FRY: variants seen among roughly 807,000 people sequenced by gnomAD.
FRY encodes the protein FRY microtubule binding protein.
FRY carries 128 observed loss-of-function variants against 348.4 expected under a neutral mutation model. The observed-to-expected ratio is 0.37, with a 90% CI of 0.32 to 0.43. The LOEUF (loss-of-function observed/expected upper bound fraction) is 0.43. Among genes scored for constraint, FRY ranks in the 20% least tolerant of loss-of-function variants. FRY has a pLI of 1.00. For missense variants in FRY, 2,736 were observed against 3,695.2 expected (o/e 0.74, Z 6.73); for synonymous variants, 1,370 against 1,374.7 (o/e 1.00, Z 0.08).
At chr13:32,103,143 C>T (rs961683984) in intron 3 of FRY, among the ~76,000 whole-genome samples, 2 of 152,158 alleles carry the variant, frequency 1.3e-5, no homozygotes, top group South Asian at 2.1e-4. Flanking sequence ...GCAACGGTGG[C>T]GTGGCTCTGG....
chr13:32,244,295 A>C (rs1223701826), intron 47 of FRY, 113 bp downstream of exon 47: 1 of 963,364 alleles, frequency 1.0e-6, no homozygotes, highest in Non-Finnish European at 1.7e-6. Flanking sequence ...TCATTCCTTG[A>C]CATCCATGGC....
chr13:32,124,798 C>T lies in FRY; in HGVS notation c.639C>T (p.Tyr213=), dbSNP rs2138726406. Residue 213 remains tyrosine (Y), a synonymous_variant, in exon 7 of 61, where the codon TAC becomes TAT. Coordinates refer to ENST00000542859, the MANE Select transcript of FRY (RefSeq NM_023037.3). ...TGTCTAATTATACCCTACTTAGGTA[C>T]CTTGGTCCCAACACTGGCAATATGC... ...AFKHFKYKEG[Y]LGPNTGNMHI... is the part of the protein sequence containing the mutation. 6.2e-7 allele frequency: 1 copy of T among 1,609,650 alleles called. No homozygotes were observed. The highest frequency in any genetic ancestry group is 1.1e-5 in the South Asian group (1 of 90,976).
At chr13:32,231,037 G>A (rs1423414007) in intron 40 of FRY, 142 bp from the exon 41 acceptor site, 1 of 655,574 alleles carries the variant, frequency 1.5e-6, no homozygotes, top group Non-Finnish European at 2.6e-6. Context: ...GTTCCTTATA[G>A]ATGCTGGGAT....
Position 32,202,033 on chromosome 13 carries a change from T to G in FRY, c.3839T>G (p.Leu1280Arg). The stretch of plus-strand genomic sequence containing the variant: ...GAGATTTATGAAATCTCCATGCAGC[T>G]CATGCAGGCACGTATCATTTACTGG... Reference protein sequence around the residue: ...NREIYEISMQLMQILEAKLFV... With the variant: ...NREIYEISMQRMQILEAKLFV... Residue 1280 changes from leucine (L) to arginine (R), a missense_variant, in exon 30 of 61, where the codon CTC becomes CGC. Coordinates refer to ENST00000542859, the MANE Select transcript of FRY (RefSeq NM_023037.3). 6.4e-7 allele frequency: 1 copy of G among 1,566,950 alleles called. No homozygotes were observed. The highest frequency in any genetic ancestry group is 8.8e-7 in the Non-Finnish European group (1 of 1,137,292).
intron 53 of FRY, among the ~76,000 whole-genome samples, chr13:32,264,422 C>T (rs1887819150): frequency 6.6e-6 from 1 of 152,012 alleles, no homozygotes; most frequent in Admixed American, 6.5e-5. Flanking sequence ...TATTTACACA[C>T]TGAGTGGACA....
intron 1 of FRY, among the ~76,000 whole-genome samples, chr13:32,077,060 G>T (rs1040906209): frequency 1.3e-5 from 2 of 152,102 alleles, no homozygotes; most frequent in African/African-American, 4.8e-5. Context: ...AAGAAGAGGA[G>T]GAAGAGATGG....
chr13:32,179,058 T>G (rs1882538510), intron 22 of FRY, 25 bp downstream of exon 22: 1 of 1,591,854 alleles, frequency 6.3e-7, no homozygotes, highest in Admixed American at 1.7e-5. Flanking sequence ...TTCAGAAGAA[T>G]TATTCTGTAA....
At chr13:32,290,702 G>A (rs962402126) in intron 59 of FRY, among the ~76,000 whole-genome samples, 1 of 152,108 alleles carries the variant, frequency 6.6e-6, no homozygotes, top group Non-Finnish European at 1.5e-5. Flanking sequence ...GACCAGTGAT[G>A]AGGCTGCTGA....
chr13:32,252,236 C>T (rs907832025), intron 50 of FRY, among the ~76,000 whole-genome samples: 1 of 151,744 alleles, frequency 6.6e-6, no homozygotes, highest in African/African-American at 2.4e-5. Context: ...TAAATATGCC[C>T]AGAATGTCTT....
At chr13:32,042,412 A>G (rs1872786823) in intron 1 of FRY, among the ~76,000 whole-genome samples, 1 of 152,190 alleles carries the variant, frequency 6.6e-6, no homozygotes, top group Admixed American at 6.5e-5. Flanking sequence ...CCATTTTAGT[A>G]TACTTTTGCT....
intron 2 of FRY, among the ~76,000 whole-genome samples, chr13:32,093,787 C>T (rs762639472): frequency 7.2e-5 from 11 of 152,218 alleles, no homozygotes; most frequent in Non-Finnish European, 1.6e-4. Context: ...AGGTCTTCAG[C>T]TTTAGCCAGC....
chr13:32,108,359 A>G (rs912865307), intron 3 of FRY, among the ~76,000 whole-genome samples: 5 of 152,224 alleles, frequency 3.3e-5, no homozygotes, highest in African/African-American at 1.2e-4. Flanking sequence ...AAGATAGGAA[A>G]TTTCAGAAGA....
intron 41 of FRY, among the ~76,000 whole-genome samples, chr13:32,232,681 C>A (rs117411522): frequency 0.012 from 1,853 of 152,316 alleles, 20 homozygotes; most frequent in Admixed American, 0.033. Flanking sequence ...GTTGACACCC[C>A]AGGCTTAAAT....
chr13:32,289,945 G>GGTA (rs1380492113), intron 59 of FRY, among the ~76,000 whole-genome samples: 4 of 152,228 alleles, frequency 2.6e-5, no homozygotes, highest in Non-Finnish European at 4.4e-5. Context: ...GGTATGGAAA[G>GGTA]TGAGGTGCCT....
At chr13:32,089,523 G>A (rs1876110711) in intron 2 of FRY, among the ~76,000 whole-genome samples, 2 of 152,114 alleles carry the variant, frequency 1.3e-5, no homozygotes, top group Admixed American at 1.3e-4. Context: ...AGCACCTTGG[G>A]AGGCTGAGGT....
At chr13:32,230,316 C>T (rs1001952061) in intron 40 of FRY, among the ~76,000 whole-genome samples, 9 of 152,128 alleles carry the variant, frequency 5.9e-5, no homozygotes, top group Admixed American at 3.3e-4. Context: ...TGAGAACATG[C>T]GGTATTTGGT....
chr13:32,252,934 G>A (rs1887158112), intron 50 of FRY, among the ~76,000 whole-genome samples: 1 of 152,128 alleles, frequency 6.6e-6, no homozygotes, highest in South Asian at 2.1e-4. Context: ...GGCAGAGGCA[G>A]ATAGAGACTC....
At chr13:32,032,135 T>C (rs2138328890) in intron 1 of FRY, among the ~76,000 whole-genome samples, 1 of 152,242 alleles carries the variant, frequency 6.6e-6, no homozygotes, top group East Asian at 1.9e-4. Context: ...TTACAGTAGA[T>C]TGTGTTTGAT....
chr13:32,081,235 C>T (rs563532577), intron 2 of FRY, among the ~76,000 whole-genome samples: 1 of 152,122 alleles, frequency 6.6e-6, no homozygotes, highest in East Asian at 1.9e-4. Context: ...TCCTTATGTG[C>T]TTAGAGTGAG....
Sources: gnomAD v4.1 joint callset for allele counts (sites outside exome capture counted in the v4.1 genomes callset) on GRCh38, gnomAD v4.1.1 for gene constraint, MANE v1.5 for transcripts, NCBI Gene and HGNC (gene_info 2026-07-23, HGNC 2026-07-21) for gene names.